The following NUP188 variants were observed in gnomAD, a reference collection of about 807,000 sequenced individuals.
The protein encoded by NUP188 is nucleoporin NUP188.
Under a neutral mutation model 223.0 loss-of-function variants are expected in NUP188, and 97 were observed. That is an observed-to-expected ratio of 0.43 (90% CI 0.37 to 0.51). The LOEUF (loss-of-function observed/expected upper bound fraction) is 0.51. Ranked by LOEUF, NUP188 falls within the 20% of genes least tolerant of loss-of-function variation. The pLI is 0.00. For synonymous variants in NUP188, 869 were observed against 828.0 expected (o/e 1.05, Z -0.85); for missense variants, 1,947 against 2,175.6 (o/e 0.89, Z 2.09).
chr9:128,998,002 A>G (rs1842560161), intron 30 of NUP188, 149 bp from the exon 31 acceptor site: 1 of 655,696 alleles, frequency 1.5e-6, no homozygotes. Context: ...TACAGGCATG[A>G]GCCACCACGC....
chr9:128,988,499 A>G (rs2131172688), intron 24 of NUP188, among the ~76,000 whole-genome samples: 1 of 152,230 alleles, frequency 6.6e-6, no homozygotes. Flanking sequence ...TCTGCCTCTG[A>G]TTTCTCATCT....
chr9:128,987,552 T>G (rs1419588678), intron 22 of NUP188, 37 bp from the exon 23 acceptor site: 4 of 1,593,260 alleles, frequency 2.5e-6, no homozygotes, highest in Non-Finnish European at 3.4e-6. Flanking sequence ...ATACACTGAG[T>G]GGCTCCCTGG....
intron 3 of NUP188, among the ~76,000 whole-genome samples, chr9:128,953,142 G>C (rs188222297): frequency 6.6e-6 from 1 of 152,304 alleles, no homozygotes; most frequent in East Asian, 1.9e-4. Context: ...CACAGTGTCT[G>C]TGTGAGTACT....
rs1564569802 is a variant in NUP188 at position 129,005,355 on chromosome 9, C to T, written c.4562C>T (p.Pro1521Leu). 3 of 1,613,734 alleles carry T rather than the reference C, an allele frequency of 1.9e-6. No individual in the cohort carries two copies. The highest frequency in any genetic ancestry group is 2.2e-5 in the South Asian group (2 of 91,086). ...PSAVAQRVQR[P>L]PSAASAAPSS... is the part of the protein sequence containing the mutation. ...GCTGTTGCCCAGCGAGTCCAGAGGC[C>T]ACCGTCTGCTGCTTCTGCTGCCCCC... Residue 1521 changes from proline (P) to leucine (L), a missense_variant, in exon 40 of 44, where the codon CCA (proline) becomes CTA (leucine). By Grantham distance (98) the Pro-to-Leu change is moderately conservative. Coordinates refer to ENST00000372577, the MANE Select transcript of NUP188 (RefSeq NM_015354.3).
chr9:128,949,020 C>A, intron 1 of NUP188, 169 bp from the exon 2 acceptor site: 1 of 532,898 alleles, frequency 1.9e-6, no homozygotes. Flanking sequence ...CCACCGTGCC[C>A]GGCCCTAACA....
chr9:128,987,967 A>G, intron 23 of NUP188, 80 bp from the exon 24 acceptor site: 2 of 1,477,882 alleles, frequency 1.4e-6, no homozygotes, highest in South Asian at 1.2e-5. Flanking sequence ...TTATTGTTGG[A>G]ATCTAATTCA....
chr9:128,979,152 CT>C, intron 12 of NUP188, 109 bp from the exon 13 acceptor site: 1 of 725,170 alleles, frequency 1.4e-6, no homozygotes, highest in Non-Finnish European at 2.3e-6. Context: ...GGTCTTCCCA[CT>C]TTAGTGTTTA....
chr9:128,998,919 C>T (rs1437435564), intron 32 of NUP188, among the ~76,000 whole-genome samples: 10 of 148,958 alleles, frequency 6.7e-5, no homozygotes, highest in African/African-American at 1.7e-4. Context: ...TGCAGTGGCG[C>T]GATCTCGGCT....
rs1393938208 is a variant in NUP188 at position 128,984,993 on chromosome 9, C to T, written c.2055C>T (p.Arg685=). 6.2e-7 allele frequency: 1 copy of T among 1,612,654 alleles called. No individual in the cohort carries two copies. Among genetic ancestry groups the T allele is most frequent in the African/African-American group, 1.3e-5 (1 of 74,884 alleles). Residue 685 remains arginine, a synonymous_variant, in exon 20 of 44, where the codon CGC becomes CGT. Transcript: ENST00000372577. ...ATGGGGTTACTATTGCCTTTCTGCGCTTGATCACCACCCTTGTCAAGGTAC... is the reference window on the plus strand; with the variant it reads ...ATGGGGTTACTATTGCCTTTCTGCGTTTGATCACCACCCTTGTCAAGGTAC... ...GEYGVTIAFL[R]LITTLVKGQL...
intron 2 of NUP188, among the ~76,000 whole-genome samples, chr9:128,951,109 C>G (rs201718433): frequency 6.3e-4 from 94 of 149,884 alleles, no homozygotes; most frequent in Admixed American, 1.0e-3. Context: ...GTCAGGAGTT[C>G]GTGACCAGCC....
chr9:128,999,823 A>G lies in NUP188; in HGVS notation c.3843+18A>G, dbSNP rs373325868. On this transcript the variant is annotated intron_variant, in intron 34 of 43. Transcript: ENST00000372577. Reference sequence around the variant, plus strand: ...GTGATGGGGTGAGACAGTGCCCTAGAAGGCCATCCGTCCTTTCCACTGCCC... The same window carrying G: ...GTGATGGGGTGAGACAGTGCCCTAGGAGGCCATCCGTCCTTTCCACTGCCC... 943 of 1,612,896 alleles carry G rather than the reference A, an allele frequency of 5.8e-4. 1 individual carries two copies. The highest frequency in any genetic ancestry group is 7.5e-4 in the Non-Finnish European group (888 of 1,179,120).
chr9:128,956,945 G>A lies in NUP188; in HGVS notation c.247-7G>A, dbSNP rs772592789. 6.2e-7 allele frequency: 1 copy of A among 1,601,570 alleles called. No individual in the cohort carries two copies. Among genetic ancestry groups the A allele is most frequent in the Non-Finnish European group, 8.5e-7 (1 of 1,172,546 alleles). On this transcript the variant is annotated splice_region_variant and splice_polypyrimidine_tract_variant and intron_variant, in intron 4 of 43. Transcript: ENST00000372577. ...GCTGTTCCTTACTTAAAATCTCTGT[G>A]TTTCAGGGTCTTGATGAAGAACAGA...
intron 2 of NUP188, among the ~76,000 whole-genome samples, chr9:128,952,242 C>CA (rs138469476): frequency 0.035 from 5,277 of 151,440 alleles, 211 homozygotes; most frequent in African/African-American, 0.093. Flanking sequence ...ACTAAAAATA[C>CA]AAAAAAAACT....
intron 8 of NUP188, chr9:128,964,302 C>T (rs762050031): frequency 6.3e-5 from 24 of 382,006 alleles, no homozygotes; most frequent in African/African-American, 5.3e-4. Flanking sequence ...AAGCTATTTA[C>T]CAGATAGATG....
rs565074797 is a variant in NUP188 at position 128,978,859 on chromosome 9, C to T, written c.1204-403C>T. Among the ~76,000 whole-genome samples, 7 of 152,046 alleles carry T rather than the reference C, an allele frequency of 4.6e-5. No individual in the cohort carries two copies. The East Asian group carries it at 7.8e-4, about 17-fold the overall frequency. Reference sequence around the variant, plus strand: ...CAAGTAGCTGGGATTATAAGGTGTGCGCCACCACACCTGGCTAACTTTCGT... The same window carrying T: ...CAAGTAGCTGGGATTATAAGGTGTGTGCCACCACACCTGGCTAACTTTCGT... On this transcript the variant is annotated intron_variant, in intron 12 of 43. Transcript: ENST00000372577.
At chr9:128,986,529 G>A (rs762876132) in intron 20 of NUP188, 29 bp from the exon 21 acceptor site, 43 of 1,603,940 alleles carry the variant, frequency 2.7e-5, no homozygotes, top group Middle Eastern at 3.3e-4. Context: ...TTAAATGTGC[G>A]GAAGTCCTCA....
At chr9:128,986,750 T>C (rs1842339169) in intron 21 of NUP188, 59 bp from the exon 22 acceptor site, 3 of 1,613,228 alleles carry the variant, frequency 1.9e-6, no homozygotes, top group Non-Finnish European at 1.7e-6. Flanking sequence ...TTTCCCTTTC[T>C]TGAGATAAGG....
intron 2 of NUP188, 85 bp downstream of exon 2, chr9:128,949,328 A>G (rs1279122243): frequency 5.5e-6 from 5 of 904,986 alleles, no homozygotes; most frequent in Non-Finnish European, 9.0e-6. Context: ...AAATGTAGGA[A>G]GTAAACACAT....
At chr9:128,958,764 A>G in intron 6 of NUP188, 38 bp from the exon 7 acceptor site, 2 of 1,220,176 alleles carry the variant, frequency 1.6e-6, no homozygotes, top group South Asian at 1.5e-5. Context: ...TCCTATGTGC[A>G]AAGGTGAGTA....
Sources: allele counts gnomAD v4.1 joint callset (sites outside exome capture counted in the v4.1 genomes callset), GRCh38; gene constraint gnomAD v4.1.1; transcripts MANE v1.5; gene names NCBI Gene and HGNC (gene_info 2026-07-23, HGNC 2026-07-21).